Variants in PRLR observed in about 807,000 individuals in gnomAD.
The protein encoded by PRLR is prolactin receptor, also known as hPRL receptor.
A neutral mutation model predicts 40.2 loss-of-function variants in PRLR; 13 were observed. The ratio of observed to expected loss-of-function variants is 0.32; its 90% confidence interval spans 0.21 to 0.51. The LOEUF is 0.51. Ranked by LOEUF, PRLR falls within the 20% of genes least tolerant of loss-of-function variation. The probability of loss-of-function intolerance (pLI) is 0.97; values close to 1 mark genes in which losing one functional copy is unlikely to be tolerated. For synonymous variants in PRLR, 269 were observed against 278.7 expected (o/e 0.97, Z 0.35); for missense variants, 656 against 747.3 (o/e 0.88, Z 1.42).
intron 1 of PRLR, among the ~76,000 whole-genome samples, chr5:35,189,160 TA>T (rs1775529429): frequency 6.6e-6 from 1 of 152,106 alleles, no homozygotes; most frequent in Admixed American, 6.5e-5. Context: ...CAAGTAACAC[TA>T]AGGATGACCA....
At chr5:35,115,531 T>C (rs1381963587) in intron 2 of PRLR, among the ~76,000 whole-genome samples, 1 of 152,094 alleles carries the variant, frequency 6.6e-6, no homozygotes, top group Non-Finnish European at 1.5e-5. Context: ...GGTGGACACA[T>C]CCTCCCGAGG....
intron 1 of PRLR, among the ~76,000 whole-genome samples, chr5:35,152,316 T>C (rs1187081138): frequency 1.3e-5 from 2 of 152,214 alleles, no homozygotes; most frequent in African/African-American, 4.8e-5. Context: ...TATTTATACA[T>C]GGTAAGACGC....
intron 1 of PRLR, among the ~76,000 whole-genome samples, chr5:35,145,017 A>G (rs535829477): frequency 6.6e-6 from 1 of 152,196 alleles, no homozygotes; most frequent in South Asian, 2.1e-4. Context: ...AGTAATGAAT[A>G]TATTAGGAGA....
chr5:35,202,325 G>T (rs186380446), intron 1 of PRLR, among the ~76,000 whole-genome samples: 1 of 152,262 alleles, frequency 6.6e-6, no homozygotes, highest in Non-Finnish European at 1.5e-5. Context: ...GGATCAAACC[G>T]TTCAGCACAG....
intron 1 of PRLR, among the ~76,000 whole-genome samples, chr5:35,216,264 G>T (rs948071171): frequency 2.3e-4 from 2 of 8,754 alleles, no homozygotes; most frequent in Non-Finnish European, 7.0e-4. Flanking sequence ...GAGACTTGAG[G>T]TTGAACCAAG....
chr5:35,072,430 G>A, intron 6 of PRLR, 145 bp downstream of exon 6: 1 of 876,906 alleles, frequency 1.1e-6, no homozygotes. Flanking sequence ...AGGGGAAAAG[G>A]GCTTTTCACA....
At chr5:35,219,155 G>A (rs1313923701) in intron 1 of PRLR, among the ~76,000 whole-genome samples, 2 of 152,200 alleles carry the variant, frequency 1.3e-5, no homozygotes, top group African/African-American at 2.4e-5. Context: ...ACTCCCGGAA[G>A]CCCGGCCCAG....
chr5:35,223,605 C>A (rs1419077465), intron 1 of PRLR, among the ~76,000 whole-genome samples: 1 of 152,228 alleles, frequency 6.6e-6, no homozygotes, highest in African/African-American at 2.4e-5. Context: ...CTTTAGGCTT[C>A]CAGCCCTCAA....
At chr5:35,145,056 T>C (rs958672527) in intron 1 of PRLR, among the ~76,000 whole-genome samples, 2 of 152,194 alleles carry the variant, frequency 1.3e-5, no homozygotes, top group African/African-American at 2.4e-5. Flanking sequence ...GTATTCGTGA[T>C]AAAATATCAG....
chr5:35,121,643 A>G (rs1579696984), intron 1 of PRLR, among the ~76,000 whole-genome samples: 2 of 152,360 alleles, frequency 1.3e-5, no homozygotes, highest in East Asian at 3.9e-4. Flanking sequence ...TATGCCAGCT[A>G]TCATGCTAAG....
intron 1 of PRLR, among the ~76,000 whole-genome samples, chr5:35,204,672 G>A (rs1579800443): frequency 6.6e-6 from 1 of 152,024 alleles, no homozygotes; most frequent in Non-Finnish European, 1.5e-5. Flanking sequence ...AAACAACCTG[G>A]AAGAATCTTC....
chr5:35,186,709 C>G (rs886577954), intron 1 of PRLR, among the ~76,000 whole-genome samples: 1 of 152,172 alleles, frequency 6.6e-6, no homozygotes, highest in African/African-American at 2.4e-5. Context: ...ACCACCCCAT[C>G]TGAGCTAGGG....
chr5:35,152,325 G>A (rs185772895), intron 1 of PRLR, among the ~76,000 whole-genome samples: 59 of 152,226 alleles, frequency 3.9e-4, no homozygotes, highest in Middle Eastern at 3.4e-3. Context: ...ATGGTAAGAC[G>A]CATGAATAAA....
At chr5:35,159,594 C>G (rs1774614842) in intron 1 of PRLR, among the ~76,000 whole-genome samples, 1 of 152,164 alleles carries the variant, frequency 6.6e-6, no homozygotes, top group African/African-American at 2.4e-5. Flanking sequence ...AAGCAGTGGG[C>G]CACCAGAGCT....
At position 35,179,276 on chromosome 5, in the gene PRLR, C is replaced by T. The variant is rs138960771; in HGVS notation, c.-106+50992G>A. ...GGCAAATAAAAGGATATATTTGCCA[C>T]GCGAAGCCTTGTTTCCTGTCTTGAT... On this transcript the variant is annotated intron_variant, in intron 1 of 9. Coordinates refer to ENST00000618457, the MANE Select transcript of PRLR (RefSeq NM_000949.7). Among the ~76,000 whole-genome samples, 33 of 152,286 alleles carry T rather than the reference C, an allele frequency of 2.2e-4. No homozygotes were observed. The East Asian group carries it at 3.9e-3, about 18-fold the overall frequency.
chr5:35,124,286 T>C (rs1287139982), intron 1 of PRLR, among the ~76,000 whole-genome samples: 1 of 152,202 alleles, frequency 6.6e-6, no homozygotes, highest in African/African-American at 2.4e-5. Context: ...AAGTAGCTTT[T>C]TAATTTTAAG....
chr5:35,190,363 G>A (rs907521093), intron 1 of PRLR, among the ~76,000 whole-genome samples: 2 of 152,152 alleles, frequency 1.3e-5, no homozygotes, highest in African/African-American at 2.4e-5. Flanking sequence ...CCAGCACTTC[G>A]GAAGGCTGAT....
At chr5:35,175,290 C>T (rs536414947) in intron 1 of PRLR, among the ~76,000 whole-genome samples, 8 of 152,226 alleles carry the variant, frequency 5.3e-5, no homozygotes, top group African/African-American at 1.9e-4. Context: ...CAGGAGTTTC[C>T]CTGCACAAGC....
chr5:35,151,479 TG>T, intron 1 of PRLR, among the ~76,000 whole-genome samples: 1 of 152,172 alleles, frequency 6.6e-6, no homozygotes, highest in Non-Finnish European at 1.5e-5. Flanking sequence ...ATACAACTTC[TG>T]TGTGAATTTG....
Sources: gnomAD v4.1 joint callset for allele counts (sites outside exome capture counted in the v4.1 genomes callset) on GRCh38, gnomAD v4.1.1 for gene constraint, MANE v1.5 for transcripts, NCBI Gene and HGNC (gene_info 2026-07-23, HGNC 2026-07-21) for gene names.